Variants in SLC12A8 observed in about 807,000 individuals in gnomAD.
SLC12A8 encodes cation-chloride cotransporter 9.
In SLC12A8, 69 loss-of-function variants were observed where a neutral mutation model predicts 75.6. The ratio of observed to expected loss-of-function variants is 0.91; its 90% CI spans 0.75 to 1.11. SLC12A8 has a LOEUF of 1.11. SLC12A8 is among the 50% of genes most tolerant of loss of function. SLC12A8 has a pLI of 0.00. For synonymous variants in SLC12A8, 365 were observed against 372.8 expected (o/e 0.98, Z 0.24); for missense variants, 877 against 896.7 (o/e 0.98, Z 0.28).
chr3:125,102,452 T>C (rs1159613125), intron 10 of SLC12A8, among the ~76,000 whole-genome samples: 1 of 152,154 alleles, frequency 6.6e-6, no homozygotes, highest in African/African-American at 2.4e-5. Context: ...GGGGTTAAAT[T>C]CCAGCAAGCA....
rs1442163712 is a variant in SLC12A8, at chr3:125,084,025, G to A, written c.2010C>T (p.Ile670=). The A allele has an allele frequency of 6.2e-7, 1 of 1,612,868 alleles. No homozygotes were observed. The highest frequency in any genetic ancestry group is 8.5e-7 in the Non-Finnish European group (1 of 1,179,544). The change falls in exon 14 of 14, where the codon ATC becomes ATT. Residue 670 remains isoleucine, a synonymous_variant. Transcript: ENST00000469902. The part of the protein sequence containing the change: ...CRSLRSPQEQ[I]ILAPSLAKVD... ...CCTTAGCCAGGGACGGCGCCAAGATGATCTGCTCCTGAGGGGACCGCAAGC... is the reference window on the plus strand; with the variant it reads ...CCTTAGCCAGGGACGGCGCCAAGATAATCTGCTCCTGAGGGGACCGCAAGC...
chr3:125,110,946 T>C (rs1307401441), intron 8 of SLC12A8, among the ~76,000 whole-genome samples: 2 of 152,142 alleles, frequency 1.3e-5, no homozygotes, highest in African/African-American at 4.8e-5. Flanking sequence ...ATCAGCATGA[T>C]TTTTCTGTCT....
At chr3:125,198,831 G>T (rs929972658) in intron 2 of SLC12A8, among the ~76,000 whole-genome samples, 19 of 150,542 alleles carry the variant, frequency 1.3e-4, no homozygotes, top group Middle Eastern at 3.4e-3. Context: ...AGGCTGGAGT[G>T]CAGTGGCGTG....
chr3:125,209,912 T>C (rs1479848270), intron 2 of SLC12A8, among the ~76,000 whole-genome samples: 1 of 152,158 alleles, frequency 6.6e-6, no homozygotes, highest in Non-Finnish European at 1.5e-5. Flanking sequence ...TAGGAGAGTA[T>C]GAATCATCCA....
intron 10 of SLC12A8, among the ~76,000 whole-genome samples, chr3:125,092,807 G>T (rs1231654829): frequency 6.6e-6 from 1 of 152,202 alleles, no homozygotes; most frequent in African/African-American, 2.4e-5. Context: ...AGGGCTTTCA[G>T]AGCTATGTCA....
chr3:125,153,009 T>C lies in SLC12A8; in HGVS notation c.623-17227A>G, dbSNP rs181974979. Among the ~76,000 whole-genome samples, 514 of 152,242 alleles carry C rather than the reference T, an allele frequency of 3.4e-3. 3 individuals carry two copies. Among genetic ancestry groups the C allele is most frequent in the African/African-American group, 0.012 (489 of 41,540 alleles). ...GGTGTGTGTGCAGCCAGGCGCTCCGTCCACCCTGCCACTCCTCTTCTTTGG... is the reference window on the plus strand; with the variant it reads ...GGTGTGTGTGCAGCCAGGCGCTCCGCCCACCCTGCCACTCCTCTTCTTTGG... On this transcript the variant is annotated intron_variant, in intron 5 of 13. Transcript: ENST00000469902.
At chr3:125,103,936 G>A (rs1270991040) in intron 10 of SLC12A8, among the ~76,000 whole-genome samples, 1 of 150,716 alleles carries the variant, frequency 6.6e-6, no homozygotes, top group Non-Finnish European at 1.5e-5. Flanking sequence ...CCCAGCGAGT[G>A]CTTCACTTTT....
At chr3:125,182,809 G>A (rs548283647) in intron 4 of SLC12A8, among the ~76,000 whole-genome samples, 1 of 151,720 alleles carries the variant, frequency 6.6e-6, no homozygotes, top group Admixed American at 6.6e-5. Flanking sequence ...CCTGGCCTTG[G>A]CCTTGTCCCC....
intron 6 of SLC12A8, among the ~76,000 whole-genome samples, chr3:125,127,432 C>T (rs1459528670): frequency 2.6e-5 from 4 of 152,186 alleles, no homozygotes; most frequent in Non-Finnish European, 4.4e-5. Flanking sequence ...CGGGGTTTAC[C>T]GCTTACTGGC....
At chr3:125,149,478 A>G (rs1452558827) in intron 5 of SLC12A8, among the ~76,000 whole-genome samples, 1 of 152,216 alleles carries the variant, frequency 6.6e-6, no homozygotes, top group South Asian at 2.1e-4. Flanking sequence ...ACCACTGCCC[A>G]CAGAAAGCCT....
At chr3:125,096,776 A>G (rs1225250552) in intron 10 of SLC12A8, among the ~76,000 whole-genome samples, 1 of 152,196 alleles carries the variant, frequency 6.6e-6, no homozygotes, top group Non-Finnish European at 1.5e-5. Context: ...AAAAATAAAT[A>G]ATTCTGTTAT....
chr3:125,085,970 T>C (rs141667652), intron 13 of SLC12A8, among the ~76,000 whole-genome samples: 2,593 of 151,886 alleles, frequency 0.017, 61 homozygotes, highest in Admixed American at 0.049. Context: ...AATGGTGCGA[T>C]CTCAGCTTAC....
chr3:125,135,608 T>C, intron 6 of SLC12A8, 61 bp downstream of exon 6: 1 of 1,116,990 alleles, frequency 9.0e-7, no homozygotes, highest in Non-Finnish European at 1.3e-6. Flanking sequence ...TGATGCTGAA[T>C]TTTGGAACCA....
chr3:125,103,479 A>AAG (rs1553786201), intron 10 of SLC12A8, among the ~76,000 whole-genome samples: 10 of 149,474 alleles, frequency 6.7e-5, no homozygotes, highest in African/African-American at 2.5e-4. Flanking sequence ...AAAAAAAAAA[A>AAG]AGAGAGACAG....
chr3:125,128,249 C>G (rs1238608889), intron 6 of SLC12A8, among the ~76,000 whole-genome samples: 26 of 127,798 alleles, frequency 2.0e-4, no homozygotes, highest in Non-Finnish European at 3.1e-4. Flanking sequence ...GGCGGGATCT[C>G]GGCTCACTGC....
intron 6 of SLC12A8, among the ~76,000 whole-genome samples, chr3:125,129,831 G>A (rs16836484): frequency 0.085 from 13,009 of 152,194 alleles, 1,488 homozygotes; most frequent in African/African-American, 0.26. Context: ...CAAACCATTC[G>A]TCCTGCCTAT....
At chr3:125,212,038 C>T (rs1178187262) in intron 1 of SLC12A8, among the ~76,000 whole-genome samples, 1 of 152,078 alleles carries the variant, frequency 6.6e-6, no homozygotes, top group African/African-American at 2.4e-5. Flanking sequence ...TGTGTGGCGC[C>T]TCTCCCCAGC....
intron 6 of SLC12A8, among the ~76,000 whole-genome samples, chr3:125,129,433 C>T (rs1431116074): frequency 4.6e-5 from 7 of 152,220 alleles, no homozygotes; most frequent in Admixed American, 4.6e-4. Context: ...CACTCCACCC[C>T]TGCAGCCACC....
intron 2 of SLC12A8, among the ~76,000 whole-genome samples, chr3:125,204,013 G>A (rs1935179483): frequency 1.3e-5 from 2 of 152,174 alleles, no homozygotes; most frequent in African/African-American, 4.8e-5. Flanking sequence ...TCAGGGAAAT[G>A]CAAATCAAAA....
Sources: allele counts gnomAD v4.1 joint callset (sites outside exome capture counted in the v4.1 genomes callset), GRCh38; gene constraint gnomAD v4.1.1; transcripts MANE v1.5; gene names NCBI Gene and HGNC (gene_info 2026-07-23, HGNC 2026-07-21).